CSMD1: variants seen among roughly 807,000 people sequenced by gnomAD.
CSMD1 encodes CUB and sushi domain-containing protein 1.
Under a neutral mutation model 417.5 loss-of-function variants are expected in CSMD1, and 213 were observed. The ratio of observed to expected loss-of-function variants is 0.51; its 90% CI spans 0.46 to 0.57. The LOEUF is 0.57. Ranked by LOEUF, CSMD1 falls within the 20% of genes least tolerant of loss-of-function variation. CSMD1 has a pLI of 0.00. For synonymous variants in CSMD1, 2,862 were observed against 1,736.8 expected (o/e 1.65, Z -16.11); for missense variants, 6,923 against 4,529.7 (o/e 1.53, Z -15.17).
intron 17 of CSMD1, among the ~76,000 whole-genome samples, chr8:3,395,926 T>C (rs1483214117): frequency 2.0e-5 from 3 of 152,248 alleles, no homozygotes; most frequent in Admixed American, 1.3e-4. Flanking sequence ...CATTATTCTA[T>C]GCAGAAGATG....
intron 5 of CSMD1, among the ~76,000 whole-genome samples, chr8:3,937,462 T>C (rs541005726): frequency 1.3e-4 from 20 of 152,244 alleles, no homozygotes; most frequent in Non-Finnish European, 2.6e-4. Context: ...TCCATCAACA[T>C]TGACGAAAGA....
At chr8:3,114,611 C>T (rs150321961) in intron 42 of CSMD1, among the ~76,000 whole-genome samples, 13 of 151,996 alleles carry the variant, frequency 8.6e-5, no homozygotes, top group African/African-American at 2.7e-4. Context: ...GAATCCAGAG[C>T]GCACTCTGTC....
chr8:2,974,762 T>A (rs181060837), intron 55 of CSMD1, 138 bp from the exon 56 acceptor site: 1 of 517,280 alleles, frequency 1.9e-6, no homozygotes, highest in Admixed American at 4.1e-5. Flanking sequence ...TTATGTAATT[T>A]GTGAGAAATA....
At chr8:3,305,724 G>C (rs1804785125) in intron 25 of CSMD1, among the ~76,000 whole-genome samples, 1 of 152,142 alleles carries the variant, frequency 6.6e-6, no homozygotes, top group Non-Finnish European at 1.5e-5. Flanking sequence ...CTGTTGCCCA[G>C]GTTGGAGTAC....
At chr8:3,213,990 C>T (rs938351841) in intron 30 of CSMD1, among the ~76,000 whole-genome samples, 1 of 151,840 alleles carries the variant, frequency 6.6e-6, no homozygotes, top group Non-Finnish European at 1.5e-5. Context: ...GGATCACAGG[C>T]ACGCACCACC....
intron 5 of CSMD1, among the ~76,000 whole-genome samples, chr8:3,873,822 A>C (rs139188157): frequency 1.3e-5 from 2 of 152,204 alleles, no homozygotes; most frequent in Non-Finnish European, 2.9e-5. Flanking sequence ...ACACATGGTC[A>C]CGGTGTTTGT....
chr8:4,281,570 C>G (rs576373250), intron 3 of CSMD1, among the ~76,000 whole-genome samples: 40 of 152,240 alleles, frequency 2.6e-4, no homozygotes, highest in African/African-American at 9.1e-4. Context: ...TGAGACTGTT[C>G]TTTTTCTGTT....
intron 9 of CSMD1, among the ~76,000 whole-genome samples, chr8:3,583,351 G>A (rs1364600234): frequency 1.3e-5 from 2 of 151,906 alleles, no homozygotes; most frequent in East Asian, 3.9e-4. Flanking sequence ...TTTGGGGAGT[G>A]TCATAGAGAA....
intron 42 of CSMD1, among the ~76,000 whole-genome samples, chr8:3,117,164 G>T (rs1816923366): frequency 6.6e-6 from 1 of 152,196 alleles, no homozygotes; most frequent in South Asian, 2.1e-4. Flanking sequence ...TCAGCCTCCT[G>T]GGTTCCCGCC....
chr8:3,926,895 T>G (rs937713022), intron 5 of CSMD1, among the ~76,000 whole-genome samples: 8 of 151,754 alleles, frequency 5.3e-5, no homozygotes, highest in Admixed American at 1.3e-4. Flanking sequence ...TTTGTATTTT[T>G]AGTAGAGAAA....
chr8:4,357,190 G>C (rs1009647758), intron 3 of CSMD1, among the ~76,000 whole-genome samples: 1 of 152,160 alleles, frequency 6.6e-6, no homozygotes. Flanking sequence ...CACATGTAGT[G>C]TGTTCTTAAG....
rs111496775 is a variant in CSMD1 at position 3,532,773 on chromosome 8, G to A, written c.1345-39047C>T. Among the ~76,000 whole-genome samples the A allele has an allele frequency of 3.0e-3, 461 of 152,262 alleles. 3 individuals carry two copies. Among genetic ancestry groups the A allele is most frequent in the African/African-American group, 0.011 (439 of 41,558 alleles). ...AATATATAGACAACATAATAATGGT[G>A]AAGACTGTAAACTTCTTGACATATA... On this transcript the variant is annotated intron_variant, in intron 10 of 69. Coordinates refer to ENST00000635120, the MANE Select transcript of CSMD1 (RefSeq NM_033225.6).
intron 5 of CSMD1, among the ~76,000 whole-genome samples, chr8:3,912,826 T>A (rs1248149366): frequency 6.6e-6 from 1 of 152,164 alleles, no homozygotes; most frequent in Non-Finnish European, 1.5e-5. Context: ...TTTTATGATT[T>A]AAATTATATT....
At chr8:4,590,763 G>A (rs527579077) in intron 2 of CSMD1, among the ~76,000 whole-genome samples, 94 of 152,126 alleles carry the variant, frequency 6.2e-4, no homozygotes, top group African/African-American at 2.2e-3. Context: ...CTTATCTGAG[G>A]ACACTAGTAA....
intron 3 of CSMD1, among the ~76,000 whole-genome samples, chr8:4,335,843 G>A (rs191699751): frequency 1.3e-5 from 2 of 152,160 alleles, no homozygotes; most frequent in Admixed American, 1.3e-4. Context: ...GTTGATTGGG[G>A]TATCTAAGCT....
intron 10 of CSMD1, among the ~76,000 whole-genome samples, chr8:3,562,417 A>ACACACATGTACACACATGCATAC (rs1554470709): frequency 2.1e-5 from 3 of 145,330 alleles, no homozygotes; most frequent in African/African-American, 5.3e-5. Context: ...CACATGCACA[A>ACACACATGTACACACATGCATAC]ACACACATGC....
At chr8:3,791,479 T>G (rs555053236) in intron 5 of CSMD1, among the ~76,000 whole-genome samples, 1 of 152,206 alleles carries the variant, frequency 6.6e-6, no homozygotes, top group Non-Finnish European at 1.5e-5. Flanking sequence ...CGTTCTTTAG[T>G]TGAATAATTT....
At chr8:4,159,837 G>T (rs992745766) in intron 3 of CSMD1, among the ~76,000 whole-genome samples, 17 of 152,206 alleles carry the variant, frequency 1.1e-4, no homozygotes, top group Non-Finnish European at 5.9e-5. Flanking sequence ...AGTAACTCTG[G>T]AATGGAAAAC....
rs578023714 is a variant in CSMD1 at position 4,139,825 on chromosome 8, G to T, written c.416-107726C>A. On this transcript the variant is annotated intron_variant, in intron 3 of 69. Transcript: ENST00000635120. ...AGGCTTACTGGACATTCCACAGAGG[G>T]CCTTGGAGCAGAAGAACAAAGTGAT... Among the ~76,000 whole-genome samples the T allele has an allele frequency of 5.2e-4, 78 of 151,140 alleles. 5 individuals are homozygous for T. The highest frequency in any genetic ancestry group is 1.9e-3 in the African/African-American group (75 of 40,444).
Sources: allele counts gnomAD v4.1 joint callset (sites outside exome capture counted in the v4.1 genomes callset), GRCh38; gene constraint gnomAD v4.1.1; transcripts MANE v1.5; gene names NCBI Gene and HGNC (gene_info 2026-07-23, HGNC 2026-07-21).